The following MGLL variants were observed in gnomAD, a reference collection of about 807,000 sequenced individuals.
MGLL encodes the protein monoglyceride lipase, also known as lysophospholipase homolog.
A neutral mutation model predicts 29.1 loss-of-function variants in MGLL; 7 were observed. That is an observed-to-expected ratio of 0.24 (90% CI 0.14 to 0.45). The LOEUF (loss-of-function observed/expected upper bound fraction) is 0.45, where lower values mean the gene tolerates loss of function less well. Ranked by LOEUF, MGLL falls within the 20% of genes least tolerant of loss-of-function variation. The pLI is 0.99. For missense variants in MGLL, 356 were observed against 413.6 expected, an observed-to-expected ratio of 0.86 and a Z score of 1.21; for synonymous variants, 148 against 168.3, an observed-to-expected ratio of 0.88 and a Z score of 0.93.
intron 3 of MGLL, among the ~76,000 whole-genome samples, chr3:127,734,388 G>A (rs1044403519): frequency 3.3e-5 from 5 of 152,094 alleles, no homozygotes; most frequent in East Asian, 3.9e-4. Context: ...TGGAAGCATC[G>A]CCCACTGCCT....
intron 3 of MGLL, among the ~76,000 whole-genome samples, chr3:127,774,708 TCAGCAG>T (rs774114531): frequency 1.3e-5 from 2 of 151,944 alleles, no homozygotes; most frequent in South Asian, 2.1e-4. Context: ...TCAGGGGTCC[TCAGCAG>T]CAGCAGCAGC....
At position 127,691,506 on chromosome 3, in the gene MGLL, C is replaced by G. The variant is rs1242148661; in HGVS notation, c.*692G>C. ...CACTCGGGGACCAACCTGAGCCTCC[C>G]CCTGGCAGGAGGGGAAGGGCAGGGG... On this transcript the variant is annotated 3_prime_UTR_variant, in exon 8 of 8. Transcript: ENST00000265052. The G allele has an allele frequency of 2.0e-5, 3 of 152,504 alleles. No homozygotes were observed. Among genetic ancestry groups the G allele is most frequent in the Admixed American group, 1.3e-4 (2 of 15,300 alleles). 9.4% of individuals were successfully genotyped at this position (152,504 alleles called of 1,614,324 possible).
chr3:127,801,029 C>T (rs764459357), intron 2 of MGLL, among the ~76,000 whole-genome samples: 2 of 151,524 alleles, frequency 1.3e-5, no homozygotes, highest in African/African-American at 2.4e-5. Flanking sequence ...GAGCCAGGTG[C>T]GGTGGCTCAC....
intron 2 of MGLL, among the ~76,000 whole-genome samples, chr3:127,807,830 C>T (rs563766907): frequency 8.2e-4 from 106 of 129,938 alleles, no homozygotes; most frequent in Middle Eastern, 0.01. Context: ...GGCGTAATCT[C>T]GGCTCACTGC....
intron 3 of MGLL, among the ~76,000 whole-genome samples, chr3:127,772,214 C>T (rs1246216464): frequency 6.6e-6 from 1 of 152,226 alleles, no homozygotes; most frequent in Non-Finnish European, 1.5e-5. Context: ...CAAGGCCGCA[C>T]AGGTAGTAAA....
In MGLL at chr3:127,797,171, G is replaced by A. The variant is rs192935881; in HGVS notation, c.156-15276C>T. On this transcript the variant is annotated intron_variant, in intron 2 of 7. Coordinates refer to ENST00000265052, the MANE Select transcript of MGLL (RefSeq NM_007283.7). ...GACTGTCACTGTTGGCTGTGTGACC[G>A]CATCAAAATCGTCTCTCCAGTTGTC... Among the ~76,000 whole-genome samples, 146 of 152,160 alleles carry A rather than the reference G, an allele frequency of 9.6e-4. 2 individuals carry two copies. Among genetic ancestry groups the A allele is most frequent in the South Asian group, 8.6e-3 (41 of 4,794 alleles).
At chr3:127,712,708 G>A (rs2075741225) in intron 5 of MGLL, 1 of 152,376 alleles carries the variant, frequency 6.6e-6, no homozygotes, top group Non-Finnish European at 1.5e-5. Flanking sequence ...CACTGTGCAG[G>A]GGCATGGTGT....
chr3:127,742,960 G>C (rs1156665301), intron 3 of MGLL, among the ~76,000 whole-genome samples: 1 of 152,148 alleles, frequency 6.6e-6, no homozygotes. Flanking sequence ...GATTACAGGT[G>C]CCCACCACCA....
chr3:127,722,461 C>G lies in MGLL; in HGVS notation c.368G>C (p.Gly123Ala), dbSNP rs2075947269. Residue 123 changes from glycine to alanine, a missense_variant, in exon 4 of 8, where the codon GGG (glycine) becomes GCG (alanine). By Grantham distance (60) the Gly-to-Ala change is moderately conservative (BLOSUM62 0). Coordinates refer to ENST00000265052, the MANE Select transcript of MGLL (RefSeq NM_007283.7). ...GTGGCCCAGAAGGAAGACAGGAAGC[C>G]CAGGGTAGTCTTTCTGCATGGAATC... is the stretch of plus-strand genomic sequence containing the variant. ...HVDSMQKDYP[G>A]LPVFLLGHSM... is the part of the protein sequence containing the mutation. 6.2e-7 allele frequency: 1 copy of G among 1,614,190 alleles called. No individual in the cohort carries two copies. Among genetic ancestry groups the G allele is most frequent in the East Asian group, 2.2e-5 (1 of 44,882 alleles).
chr3:127,701,249 A>T (rs1170600551), intron 6 of MGLL, among the ~76,000 whole-genome samples: 2 of 138,514 alleles, frequency 1.4e-5, no homozygotes, highest in Non-Finnish European at 3.1e-5. Flanking sequence ...CACCAACAAC[A>T]ATAGCAACAA....
chr3:127,817,813 A>C (rs2077783175), intron 2 of MGLL, among the ~76,000 whole-genome samples: 1 of 152,270 alleles, frequency 6.6e-6, no homozygotes, highest in Non-Finnish European at 1.5e-5. Context: ...GGCTGAATAC[A>C]AAGGTGCTAA....
At chr3:127,794,639 A>G (rs1260858478) in intron 2 of MGLL, among the ~76,000 whole-genome samples, 1 of 152,104 alleles carries the variant, frequency 6.6e-6, no homozygotes, top group African/African-American at 2.4e-5. Flanking sequence ...GCTGTCTTCT[A>G]TGATGTCAAA....
chr3:127,794,745 TAA>T, intron 2 of MGLL, among the ~76,000 whole-genome samples: 1 of 152,230 alleles, frequency 6.6e-6, no homozygotes, highest in Admixed American at 6.5e-5. Context: ...TTCTCTGATG[TAA>T]GACTGTCTTT....
chr3:127,822,655 C>T (rs1340651553), upstream of MGLL: 3 of 361,444 alleles, frequency 8.3e-6, no homozygotes, highest in African/African-American at 2.1e-5. Context: ...TAGCTCCGCG[C>T]ACACCGAGGC....
At chr3:127,754,309 GA>G (rs1330706382) in intron 3 of MGLL, among the ~76,000 whole-genome samples, 2 of 152,008 alleles carry the variant, frequency 1.3e-5, no homozygotes, top group Non-Finnish European at 2.9e-5. Flanking sequence ...CCCTTTTAGG[GA>G]ATCAGTCCTG....
intron 2 of MGLL, among the ~76,000 whole-genome samples, chr3:127,820,497 T>G (rs2077839650): frequency 6.6e-6 from 1 of 152,200 alleles, no homozygotes; most frequent in African/African-American, 2.4e-5. Flanking sequence ...CATTAAAAAC[T>G]TCTATTTTCA....
At chr3:127,696,396 C>CTTTTTTTTTTTTTTTTTTTTTT (rs545853423) in intron 6 of MGLL, among the ~76,000 whole-genome samples, 1 of 49,346 alleles carries the variant, frequency 2.0e-5, no homozygotes, top group African/African-American at 6.5e-5. Context: ...CCTGATGCTT[C>CTTTTTTTTTTTTTTTTTTTTTT]TTTTTTTTTT....
intron 5 of MGLL, 133 bp from the exon 6 acceptor site, chr3:127,710,798 C>G (rs2075696460): frequency 4.8e-6 from 4 of 825,486 alleles, no homozygotes; most frequent in African/African-American, 1.7e-5. Context: ...TCTCCCAAGC[C>G]TGCGTCCTTA....
intron 2 of MGLL, among the ~76,000 whole-genome samples, chr3:127,802,201 C>T (rs76427149): frequency 0.019 from 2,824 of 152,270 alleles, 83 homozygotes; most frequent in African/African-American, 0.065. Context: ...TCCTATAGGA[C>T]TGGAGATGCT....
Sources: allele counts gnomAD v4.1 joint callset (sites outside exome capture counted in the v4.1 genomes callset), GRCh38; gene constraint gnomAD v4.1.1; transcripts MANE v1.5; gene names NCBI Gene and HGNC (gene_info 2026-07-23, HGNC 2026-07-21).